Variants in TMEM215 observed in about 807,000 individuals in gnomAD.
TMEM215 encodes transmembrane protein 215.
In TMEM215, 12 loss-of-function variants were observed where a neutral mutation model predicts 14.7. The observed-to-expected ratio is 0.82, with a 90% confidence interval of 0.52 to 1.33. The LOEUF is 1.33. Ranked by LOEUF, TMEM215 falls within the 40% of genes most tolerant of loss-of-function variation. TMEM215 has a pLI of 0.00. For missense variants in TMEM215, 276 were observed against 296.2 expected (o/e 0.93, Z 0.50); for synonymous variants, 122 against 124.8 (o/e 0.98, Z 0.15).
rs1824508312 is a variant in TMEM215, at chr9:32,786,516, C to T, written c.*1625C>T. 1 of 166,804 alleles carries T rather than the reference C, an allele frequency of 6.0e-6. No homozygotes were observed. Among genetic ancestry groups the T allele is most frequent in the African/African-American group, 2.4e-5 (1 of 41,410 alleles). The allele number at this position is 166,804 out of a possible 1,614,324, so 10.3% of individuals were successfully genotyped here. A position where few individuals can be genotyped will look rare whatever the true frequency, so the allele number is the denominator to read the frequency against. The stretch of plus-strand genomic sequence containing the variant: ...CTTGGGCAAATTTTATCTTCTTACA[C>T]CTGAGTTTCCTACTCTGTGAAGGGA... On this transcript the variant is annotated 3_prime_UTR_variant, in exon 2 of 2. Transcript: ENST00000342743.
At position 32,784,681 on chromosome 9, in the gene TMEM215, C is replaced by A. The variant is rs376931784; in HGVS notation, c.498C>A (p.Cys166Ter). Reference sequence around the variant, plus strand: ...CGTCCAGATACCTGGACGGCTACTGCCCCTCGGGCAGTTCCCTCACCTACA... The same window carrying A: ...CGTCCAGATACCTGGACGGCTACTGACCCTCGGGCAGTTCCCTCACCTACA... Reference protein sequence around the residue: ...EETSRYLDGYCPSGSSLTYSA... With the variant: ...EETSRYLDGY Residue 166 changes from cysteine (C) to a stop codon, truncating the protein, a stop_gained, in exon 2 of 2, where the codon TGC becomes TGA. Coordinates refer to ENST00000342743, the MANE Select transcript of TMEM215 (RefSeq NM_212558.3). LOFTEE classifies it high-confidence loss of function. The A allele has an allele frequency of 6.2e-6, 10 of 1,613,976 alleles. No homozygotes were observed. Among genetic ancestry groups the A allele is most frequent in the Non-Finnish European group, 8.5e-6 (10 of 1,180,022 alleles).
In TMEM215 at chr9:32,785,134, T is replaced by C. The variant is rs1180061757; in HGVS notation, c.*243T>C. On this transcript the variant is annotated 3_prime_UTR_variant, in exon 2 of 2. Transcript: ENST00000342743. ...TGGGTAGGAAAGGAAGCTACTCCAG[T>C]TGCTTCTTAACAATTTACACAATGT... The C allele has an allele frequency of 4.0e-6, 2 of 500,892 alleles. No homozygotes were observed. The highest frequency in any genetic ancestry group is 7.3e-6 in the Non-Finnish European group (2 of 274,888). 31.0% of individuals were successfully genotyped at this position (500,892 alleles called of 1,614,324 possible).
In TMEM215 at chr9:32,784,163, C is replaced by T. The variant is rs961678036; in HGVS notation, c.-21C>T. On this transcript the variant is annotated 5_prime_UTR_variant, in exon 2 of 2. Coordinates refer to ENST00000342743, the MANE Select transcript of TMEM215 (RefSeq NM_212558.3). ...CTGCTCCCTGGTCAGCAAGCAGCCC[C>T]CAACCTGGATGGAGTGAAACATGCG... The T allele has an allele frequency of 9.4e-6, 15 of 1,596,586 alleles. 1 individual carries two copies. The highest frequency in any genetic ancestry group is 1.0e-5 in the Non-Finnish European group (12 of 1,169,834).
rs545801730 is a variant in TMEM215 at position 32,784,128 on chromosome 9, T to A, written c.-56T>A. The stretch of plus-strand genomic sequence containing the variant: ...CACTGTGGTTTCATCTCTGACAGAA[T>A]AGAGGAACGCTGCTCCCTGGTCAGC... On this transcript the variant is annotated splice_region_variant and 5_prime_UTR_variant, in exon 2 of 2. Transcript: ENST00000342743. 6.6e-7 allele frequency: 1 copy of A among 1,523,488 alleles called. No homozygotes were observed. Among genetic ancestry groups the A allele is most frequent in the East Asian group, 2.3e-5 (1 of 44,238 alleles). 94.4% of individuals were successfully genotyped at this position (1,523,488 alleles called of 1,614,324 possible).
Position 32,784,286 on chromosome 9 carries a change from G to T in TMEM215, c.103G>T (p.Glu35Ter), listed in dbSNP as rs776052802. 2 of 1,614,206 alleles carry T rather than the reference G, an allele frequency of 1.2e-6. No homozygotes were observed. Among genetic ancestry groups the T allele is most frequent in the Non-Finnish European group, 1.7e-6 (2 of 1,180,038 alleles). ...GTTCACCGTCTCTGGGATGAAAGGG[G>T]AGACTTTGGGAAACATCCCCCTCCT... ...FMFTVSGMKG[E>*]TLGNIPLLAI... The change falls in exon 2 of 2, where the codon GAG (glutamate) becomes TAG (stop). Residue 35 changes from glutamate to a stop codon, truncating the protein, a stop_gained. Transcript: ENST00000342743. LOFTEE classifies it high-confidence loss of function.
chr9:32,784,758 C>G lies in TMEM215; in HGVS notation c.575C>G (p.Pro192Arg). ...AGGGACAGATCTGAGTGCCCTGAGC[C>G]TGAGGATAGCATCTTCTTTGTGCCC... ...SARDRSECPEPEDSIFFVPQD... is the reference protein window; with the variant it reads ...SARDRSECPEREDSIFFVPQD... Residue 192 changes from proline to arginine, a missense_variant, in exon 2 of 2, where the codon CCT (proline) becomes CGT (arginine). Transcript: ENST00000342743. The G allele has an allele frequency of 6.2e-7, 1 of 1,614,016 alleles. No homozygotes were observed. The highest frequency in any genetic ancestry group is 2.2e-5 in the East Asian group (1 of 44,860).
In TMEM215 at chr9:32,786,837, A is replaced by T. The variant is rs2118245696; in HGVS notation, c.*1946A>T. The T allele has an allele frequency of 6.0e-6, 1 of 167,114 alleles. No homozygotes were observed. The highest frequency in any genetic ancestry group is 6.5e-5 in the Admixed American group (1 of 15,308). The allele number at this position is 167,114 out of a possible 1,614,324, so 10.4% of individuals were successfully genotyped here. A position where few individuals can be genotyped will look rare whatever the true frequency, so the allele number is the denominator to read the frequency against. ...AAAACTTAAAATGTTGGTATAACTC[A>T]AAGTAATCTAATACACAACCTTGCA... On this transcript the variant is annotated 3_prime_UTR_variant, in exon 2 of 2. Transcript: ENST00000342743.
chr9:32,784,216 G>A lies in TMEM215; in HGVS notation c.33G>A (p.Gly11=). Residue 11 remains glycine, a synonymous_variant, in exon 2 of 2, where the codon GGG becomes GGA. Coordinates refer to ENST00000342743, the MANE Select transcript of TMEM215 (RefSeq NM_212558.3). ...CTGATGACATTAACCCGAGGACTGGGCTGGTGGTGGCCCTGGTCAGTGTCT... is the reference window on the plus strand; with the variant it reads ...CTGATGACATTAACCCGAGGACTGGACTGGTGGTGGCCCTGGTCAGTGTCT... MRPDDINPRT[G]LVVALVSVFL... The A allele has an allele frequency of 6.2e-7, 1 of 1,614,090 alleles. No homozygotes were observed. The highest frequency in any genetic ancestry group is 8.5e-7 in the Non-Finnish European group (1 of 1,179,962).
In TMEM215 at chr9:32,788,349, C is replaced by T. The variant is rs928853417; in HGVS notation, c.*3458C>T. 6.6e-6 allele frequency among the ~76,000 whole-genome samples: 1 copy of T among 152,228 alleles called. No homozygotes were observed. Among genetic ancestry groups the T allele is most frequent in the African/African-American group, 2.4e-5 (1 of 41,464 alleles). ...CTGTGTTTCTATTTTGGTATATCAT[C>T]TTCCAGGCTTCCTCCACATGCAAAT... On this transcript the variant is annotated 3_prime_UTR_variant, in exon 2 of 2. Coordinates refer to ENST00000342743, the MANE Select transcript of TMEM215 (RefSeq NM_212558.3).
rs1270697676 is a variant in TMEM215, at chr9:32,787,641, T to A, written c.*2750T>A. On this transcript the variant is annotated 3_prime_UTR_variant, in exon 2 of 2. Coordinates refer to ENST00000342743, the MANE Select transcript of TMEM215 (RefSeq NM_212558.3). ...AGAAGAGAAAGAGAAAAAAAGTGTC[T>A]CAGCCCTTTAGAGGAAAAGAGAGCA... Among the ~76,000 whole-genome samples, 1 of 152,098 alleles carries A rather than the reference T, an allele frequency of 6.6e-6. No individual in the cohort carries two copies. Among genetic ancestry groups the A allele is most frequent in the East Asian group, 1.9e-4 (1 of 5,202 alleles).
rs1367386334 is a variant in TMEM215, at chr9:32,785,863, G to T, written c.*972G>T. 1 of 166,770 alleles carries T rather than the reference G, an allele frequency of 6.0e-6. No homozygotes were observed. Among genetic ancestry groups the T allele is most frequent in the African/African-American group, 2.4e-5 (1 of 41,426 alleles). 10.3% of individuals were successfully genotyped at this position (166,770 alleles called of 1,614,324 possible). ...TAGCCTTGAACATTGCACATAATTTGTATGAAATGCAATGGTTAAACCTTT... is the reference window on the plus strand; with the variant it reads ...TAGCCTTGAACATTGCACATAATTTTTATGAAATGCAATGGTTAAACCTTT... On this transcript the variant is annotated 3_prime_UTR_variant, in exon 2 of 2. Transcript: ENST00000342743.
Position 32,788,159 on chromosome 9 carries a change from T to G in TMEM215, c.*3268T>G, listed in dbSNP as rs964312465. ...AAAGGAAGATTCATTCTGTTAAATG[T>G]TTTTTCTCTTTTGCAATGTCCAAGC... On this transcript the variant is annotated 3_prime_UTR_variant, in exon 2 of 2. Coordinates refer to ENST00000342743, the MANE Select transcript of TMEM215 (RefSeq NM_212558.3). Among the ~76,000 whole-genome samples the G allele has an allele frequency of 6.6e-6, 1 of 152,170 alleles. No individual in the cohort carries two copies.
Position 32,788,145 on chromosome 9 carries a change from C to T in TMEM215, c.*3254C>T, listed in dbSNP as rs1824528117. 6.6e-6 allele frequency among the ~76,000 whole-genome samples: 1 copy of T among 152,184 alleles called. No individual in the cohort carries two copies. The highest frequency in any genetic ancestry group is 6.5e-5 in the Admixed American group (1 of 15,278). On this transcript the variant is annotated 3_prime_UTR_variant, in exon 2 of 2. Transcript: ENST00000342743. ...ATGACAAATGTAGGAAAGGAAGATT[C>T]ATTCTGTTAAATGTTTTTTCTCTTT... is the stretch of plus-strand genomic sequence containing the variant.
Position 32,788,477 on chromosome 9 carries a change from T to C in TMEM215, c.*3586T>C, listed in dbSNP as rs1190837935. On this transcript the variant is annotated 3_prime_UTR_variant, in exon 2 of 2. Coordinates refer to ENST00000342743, the MANE Select transcript of TMEM215 (RefSeq NM_212558.3). ...AGTATTTCTAATTATCAATGAACGA[T>C]TGTGTAATATGCCATTTTAGTGATG... is the stretch of plus-strand genomic sequence containing the variant. Among the ~76,000 whole-genome samples the C allele has an allele frequency of 2.0e-5, 3 of 152,232 alleles. No homozygotes were observed. Among genetic ancestry groups the C allele is most frequent in the Non-Finnish European group, 4.4e-5 (3 of 68,036 alleles).
At position 32,785,280 on chromosome 9, in the gene TMEM215, G is replaced by A. The variant is rs1244233701; in HGVS notation, c.*389G>A. On this transcript the variant is annotated 3_prime_UTR_variant, in exon 2 of 2. Transcript: ENST00000342743. Reference sequence around the variant, plus strand: ...TGCATGAGCTGACCACAGGGAAACTGAGCTGCTTTATGTTTGAATAAGTTG... The same window carrying A: ...TGCATGAGCTGACCACAGGGAAACTAAGCTGCTTTATGTTTGAATAAGTTG... The A allele has an allele frequency of 5.4e-6, 1 of 185,418 alleles. No homozygotes were observed. The highest frequency in any genetic ancestry group is 1.2e-5 in the Non-Finnish European group (1 of 80,054). 11.5% of individuals were successfully genotyped at this position (185,418 alleles called of 1,614,324 possible).
At position 32,788,929 on chromosome 9, in the gene TMEM215, A is replaced by T. The variant is rs62541977; in HGVS notation, c.*4038A>T. ...GTGTTCAACAAGCAAAATGATAAAT[A>T]GATGTAAACAATAATAATGACTTTG... On this transcript the variant is annotated 3_prime_UTR_variant, in exon 2 of 2. Transcript: ENST00000342743. 8.0e-4 allele frequency among the ~76,000 whole-genome samples: 122 copies of T among 152,356 alleles called. No homozygotes were observed. Among genetic ancestry groups the T allele is most frequent in the Non-Finnish European group, 1.5e-3 (102 of 68,036 alleles).
rs1207738604 is a variant in TMEM215, at chr9:32,787,447, G to A, written c.*2556G>A. The stretch of plus-strand genomic sequence containing the variant: ...ACCAGTGAGAATAAAATGTATGATT[G>A]TGTGTGTGAATTTCTCCTAACATAT... On this transcript the variant is annotated 3_prime_UTR_variant, in exon 2 of 2. Coordinates refer to ENST00000342743, the MANE Select transcript of TMEM215 (RefSeq NM_212558.3). 1 of 166,872 alleles carries A rather than the reference G, an allele frequency of 6.0e-6. No individual in the cohort carries two copies. Among genetic ancestry groups the A allele is most frequent in the African/African-American group, 2.4e-5 (1 of 41,424 alleles). The allele number at this position is 166,872 out of a possible 1,614,324, so 10.3% of individuals were successfully genotyped here.
chr9:32,784,399 C>CG lies in TMEM215; in HGVS notation c.217dup (p.Glu73GlyfsTer38), dbSNP rs745499966. 1 of 1,614,188 alleles carries CG rather than the reference C, an allele frequency of 6.2e-7. No individual in the cohort carries two copies. The highest frequency in any genetic ancestry group is 2.2e-5 in the East Asian group (1 of 44,874). ...AGGGATGCACCAAGTGGCCAGAGAA[C>CG]GAGCTGCTGTGGGTCCGCAAATTGC... On this transcript the variant is annotated frameshift_variant, in exon 2 of 2. Transcript: ENST00000342743. LOFTEE classifies it high-confidence loss of function.
At position 32,784,120 on chromosome 9, in the gene TMEM215, T is replaced by A. The variant is rs1402594653; in HGVS notation, c.-58-6T>A. ...TTTTAACGCACTGTGGTTTCATCTC[T>A]GACAGAATAGAGGAACGCTGCTCCC... On this transcript the variant is annotated splice_region_variant and splice_polypyrimidine_tract_variant and intron_variant, in intron 1 of 1. Transcript: ENST00000342743. 1 of 1,495,442 alleles carries A rather than the reference T, an allele frequency of 6.7e-7. No homozygotes were observed. Among genetic ancestry groups the A allele is most frequent in the Middle Eastern group, 1.8e-4 (1 of 5,464 alleles). The allele number at this position is 1,495,442 out of a possible 1,614,324, so 92.6% of individuals were successfully genotyped here.
Sources: gnomAD v4.1 joint callset for allele counts (sites outside exome capture counted in the v4.1 genomes callset) on GRCh38, gnomAD v4.1.1 for gene constraint, MANE v1.5 for transcripts, NCBI Gene and HGNC (gene_info 2026-07-23, HGNC 2026-07-21) for gene names.